The following IL3RA variants were observed in gnomAD, a reference collection of about 807,000 sequenced individuals.
The protein encoded by IL3RA is interleukin-3 receptor subunit alpha.
Under a neutral mutation model 52.3 loss-of-function variants are expected in IL3RA, and 73 were observed. The observed-to-expected ratio is 1.40, with a 90% CI of 1.16 to 1.70. The LOEUF (loss-of-function observed/expected upper bound fraction) is 1.70. IL3RA is among the 40% of genes most tolerant of loss of function. IL3RA has a pLI of 0.00. For synonymous variants in IL3RA, 260 were observed against 194.0 expected, an observed-to-expected ratio of 1.34 and a Z score of -2.83; for missense variants, 664 against 504.4, an observed-to-expected ratio of 1.32 and a Z score of -3.03.
intron 9 of IL3RA, 78 bp downstream of exon 9, chrX:1,365,330 CGGGGTGCGCGGGGTG>C (rs2087869790): frequency 2.5e-6 from 1 of 404,130 alleles, no homozygotes; most frequent in African/African-American, 3.8e-5. Flanking sequence ...GCGGGGTGAG[CGGGGTGCGCGGGGTG>C]AGCGGGGTGA....
At position 1,356,331 on chromosome X, in the gene IL3RA, C is replaced by CAAAA. The variant is rs1569523519; in HGVS notation, c.728_731dup (p.Arg245LysfsTer37). 1 of 1,607,006 alleles carries CAAAA rather than the reference C, an allele frequency of 6.2e-7. No homozygotes were observed. The highest frequency in any genetic ancestry group is 2.2e-5 in the East Asian group (1 of 44,850). ...CAAATTTCGCTATGAGCTTCAGATA[C>CAAAA]AAAAGGTAAACTTTCACCCCGCCCC... On this transcript the variant is annotated frameshift_variant, in exon 7 of 12. Coordinates refer to ENST00000331035, the MANE Select transcript of IL3RA (RefSeq NM_002183.4). LOFTEE classifies it high-confidence loss of function.
At position 1,348,522 on chromosome X, in the gene IL3RA, C is replaced by T. The variant is rs148019443; in HGVS notation, c.275C>T (p.Thr92Met). 586 of 1,613,340 alleles carry T rather than the reference C, an allele frequency of 3.6e-4. 1 individual carries two copies. Among genetic ancestry groups the T allele is most frequent in the Non-Finnish European group, 4.7e-4 (556 of 1,179,460 alleles). The change falls in exon 4 of 12, where the codon ACG becomes ATG. Residue 92 changes from threonine to methionine, a missense_variant. Thr to Met is a moderately conservative substitution (Grantham distance 81, BLOSUM62 -1). Coordinates refer to ENST00000331035, the MANE Select transcript of IL3RA (RefSeq NM_002183.4). Reference sequence around the variant, plus strand: ...CGAGTGGCCAACCCACCATTCTCCACGTGGATCCTCTTCCCTGAGAACAGT... The same window carrying T: ...CGAGTGGCCAACCCACCATTCTCCATGTGGATCCTCTTCCCTGAGAACAGT... ...TVRVANPPFS[T>M]WILFPENSGK...
intron 9 of IL3RA, among the ~76,000 whole-genome samples, chrX:1,368,398 A>G (rs1238660815): frequency 6.6e-6 from 1 of 152,050 alleles, no homozygotes; most frequent in Admixed American, 6.6e-5. Flanking sequence ...CAGCCTGACC[A>G]ACATGGAAAA....
rs538961708 is a variant in IL3RA at position 1,342,322 on chromosome X, T to C, written c.64+493T>C. 4.7e-4 allele frequency among the ~76,000 whole-genome samples: 71 copies of C among 151,466 alleles called. No homozygotes were observed. The South Asian group carries it at 8.2e-3, about 17-fold the overall frequency. ...CTGAGATTACAGTCGCGCACCACCA[T>C]ACCCGGCTAATTTCTGTATTTTTGA... is the stretch of plus-strand genomic sequence containing the variant. On this transcript the variant is annotated intron_variant, in intron 2 of 11. Transcript: ENST00000331035.
chrX:1,348,644 C>CGCTT (rs1556618955), intron 4 of IL3RA, 99 bp downstream of exon 4: 3 of 496,242 alleles, frequency 6.0e-6, no homozygotes, highest in Middle Eastern at 4.3e-4. Flanking sequence ...TTTTCTTTTT[C>CGCTT]TCTTTCTTTC....
At chrX:1,353,918 C>G (rs1330686067) in intron 6 of IL3RA, among the ~76,000 whole-genome samples, 3 of 132,116 alleles carry the variant, frequency 2.3e-5, no homozygotes, top group African/African-American at 8.7e-5. Context: ...GATCCCTCAT[C>G]ATGGGTTCCA....
At chrX:1,353,977 C>A (rs2086397601) in intron 6 of IL3RA, among the ~76,000 whole-genome samples, 1 of 75,580 alleles carries the variant, frequency 1.3e-5, no homozygotes, top group Admixed American at 1.1e-4. Context: ...GGGACCCCCA[C>A]CCCCATCATG....
intron 2 of IL3RA, among the ~76,000 whole-genome samples, chrX:1,343,694 C>A (rs2085589007): frequency 6.7e-6 from 1 of 148,950 alleles, no homozygotes; most frequent in South Asian, 2.1e-4. Context: ...AAGAATATTG[C>A]CTTTAACATC....
intron 9 of IL3RA, 121 bp downstream of exon 9, chrX:1,365,373 C>A (rs1231566663): frequency 1.5e-4 from 28 of 186,614 alleles, no homozygotes; most frequent in Admixed American, 6.4e-4. Flanking sequence ...GAGCCGGGTG[C>A]GCGGGGTGAG....
rs17885962 is a variant in IL3RA, at chrX:1,378,443, C to T, written c.875-216C>T. Among the ~76,000 whole-genome samples the T allele has an allele frequency of 8.6e-3, 1,313 of 152,268 alleles. 23 individuals are homozygous for T. Among genetic ancestry groups the T allele is most frequent in the African/African-American group, 0.03 (1,257 of 41,560 alleles). On this transcript the variant is annotated intron_variant, in intron 9 of 11. Transcript: ENST00000331035. ...GGTTCCAGACTGGGGCTGGGAGGTC[C>T]GGAAGTCGCTCCCGGTCCTGGTACT...
rs1480320601 is a variant in IL3RA at position 1,348,671 on chromosome X, T to G, written c.298+126T>G. 2.9e-4 allele frequency: 134 copies of G among 462,660 alleles called. 4 individuals are homozygous for G. In the South Asian group the frequency reaches 3.5e-3, roughly 12 times the overall value. 28.7% of individuals were successfully genotyped at this position (462,660 alleles called of 1,614,324 possible). A position where few individuals can be genotyped will look rare whatever the true frequency, so the allele number is the denominator to read the frequency against. The stretch of plus-strand genomic sequence containing the variant: ...CTTTCTTTCTTTCTTTCTTTCTTTC[T>G]TTCTTTCTTTCTTTCTTTCTTTTTC... On this transcript the variant is annotated intron_variant, in intron 4 of 11. Coordinates refer to ENST00000331035, the MANE Select transcript of IL3RA (RefSeq NM_002183.4).
intron 8 of IL3RA, among the ~76,000 whole-genome samples, chrX:1,361,397 C>T (rs192587896): frequency 2.4e-4 from 37 of 152,126 alleles, no homozygotes; most frequent in South Asian, 4.2e-4. Flanking sequence ...GGAGGCCTCA[C>T]GATCACGGCA....
chrX:1,365,213 T>C lies in IL3RA; in HGVS notation c.835T>C (p.Tyr279His). The C allele has an allele frequency of 2.5e-6, 4 of 1,611,034 alleles. No homozygotes were observed. Among genetic ancestry groups the C allele is most frequent in the Admixed American group, 1.7e-5 (1 of 59,968 alleles). Residue 279 changes from tyrosine to histidine, a missense_variant, in exon 9 of 12, where the codon TAT (tyrosine) becomes CAT (histidine). Tyr to His is a moderately conservative substitution (Grantham distance 83, BLOSUM62 2). Transcript: ENST00000331035. ...ACAAATAAGAGCCCGGGAAAGAGTG[T>C]ATGAATTCTTGAGCGCCTGGAGCAC... ...TVQIRARERV[Y>H]EFLSAWSTPQ...
Position 1,352,450 on chromosome X carries a change from G to A in IL3RA, c.560G>A (p.Arg187Lys). The A allele has an allele frequency of 6.2e-7, 1 of 1,613,888 alleles. No individual in the cohort carries two copies. Among genetic ancestry groups the A allele is most frequent in the Non-Finnish European group, 8.5e-7 (1 of 1,179,872 alleles). The change falls in exon 6 of 12, where the codon AGG (arginine) becomes AAG (lysine). Residue 187 changes from arginine to lysine, a missense_variant. Arg to Lys is a conservative substitution (Grantham distance 26). Coordinates refer to ENST00000331035, the MANE Select transcript of IL3RA (RefSeq NM_002183.4). ...SQSSHILVRGRSAAFGIPCTD... is the reference protein window; with the variant it reads ...SQSSHILVRGKSAAFGIPCTD... Reference sequence around the variant, plus strand: ...AGTTCCCACATCCTGGTGCGGGGCAGGAGCGCAGCCTTCGGTATCCCCTGC... The same window carrying A: ...AGTTCCCACATCCTGGTGCGGGGCAAGAGCGCAGCCTTCGGTATCCCCTGC...
chrX:1,378,899 GTGGCACGATC>G, intron 10 of IL3RA, 135 bp downstream of exon 10: 3 of 853,658 alleles, frequency 3.5e-6, no homozygotes, highest in Non-Finnish European at 5.6e-6. Context: ...CTGGAGTGCA[GTGGCACGATC>G]TGGGCTCACT....
chrX:1,365,115 C>T lies in IL3RA; in HGVS notation c.760-23C>T, dbSNP rs781717123. On this transcript the variant is annotated intron_variant, in intron 8 of 11. Coordinates refer to ENST00000331035, the MANE Select transcript of IL3RA (RefSeq NM_002183.4). Reference sequence around the variant, plus strand: ...TGAGCCACCATACCTGGCCCCTCTTCTTTATTTTCTTTCAAACCACAGGTC... The same window carrying T: ...TGAGCCACCATACCTGGCCCCTCTTTTTTATTTTCTTTCAAACCACAGGTC... 13 of 1,574,844 alleles carry T rather than the reference C, an allele frequency of 8.3e-6. No homozygotes were observed. In the African/African-American group the frequency reaches 9.5e-5, roughly 11 times the overall value.
intron 8 of IL3RA, among the ~76,000 whole-genome samples, chrX:1,359,325 C>T (rs1214238087): frequency 2.0e-5 from 3 of 152,090 alleles, no homozygotes; most frequent in African/African-American, 7.2e-5. Flanking sequence ...TGGCCCAGAC[C>T]TCAGACAGAG....
At chrX:1,344,682 A>G (rs1196039478) in intron 2 of IL3RA, among the ~76,000 whole-genome samples, 1 of 151,488 alleles carries the variant, frequency 6.6e-6, no homozygotes, top group African/African-American at 2.4e-5. Context: ...CTGAGGCAGG[A>G]GAATCGCTTG....
At chrX:1,362,307 CTCTTTGTA>C (rs1471689733) in intron 8 of IL3RA, among the ~76,000 whole-genome samples, 1 of 151,732 alleles carries the variant, frequency 6.6e-6, no homozygotes, top group African/African-American at 2.4e-5. Context: ...CTCTCTGTGT[CTCTTTGTA>C]TCTCCGTCTC....
Sources: gnomAD v4.1 joint callset for allele counts (sites outside exome capture counted in the v4.1 genomes callset) on GRCh38, gnomAD v4.1.1 for gene constraint, MANE v1.5 for transcripts, NCBI Gene and HGNC (gene_info 2026-07-23, HGNC 2026-07-21) for gene names.